NCKAP5: variants seen among roughly 807,000 people sequenced by gnomAD.
NCKAP5 encodes NCK associated protein 5.
In NCKAP5, 92 loss-of-function variants were observed where a neutral mutation model predicts 167.0. The ratio of observed to expected loss-of-function variants is 0.55; its 90% CI spans 0.47 to 0.66. The LOEUF (loss-of-function observed/expected upper bound fraction) is 0.66. Among genes scored for constraint, NCKAP5 ranks in the 30% least tolerant of loss-of-function variants. The pLI is 0.00. For synonymous variants in NCKAP5, 891 were observed against 877.4 expected (o/e 1.02, Z -0.27); for missense variants, 2,378 against 2,315.0 (o/e 1.03, Z -0.56).
intron 9 of NCKAP5, among the ~76,000 whole-genome samples, 192 bp downstream of exon 9, chr2:132,878,640 ACACACACACACACACG>A (rs1249620630): frequency 0.022 from 1,111 of 50,590 alleles, 8 homozygotes; most frequent in East Asian, 0.11. Context: ...ACACACACAC[ACACACACACACACACG>A]CACGCATACA....
intron 7 of NCKAP5, among the ~76,000 whole-genome samples, chr2:132,986,940 A>T (rs932227458): frequency 6.6e-6 from 1 of 152,188 alleles, no homozygotes; most frequent in Non-Finnish European, 1.5e-5. Context: ...CTTATCAATG[A>T]GGAACATCAG....
chr2:133,509,601 G>T (rs73003136), intron 3 of NCKAP5, among the ~76,000 whole-genome samples: 1 of 152,272 alleles, frequency 6.6e-6, no homozygotes, highest in East Asian at 1.9e-4. Flanking sequence ...GGAATACAAT[G>T]TGAATATGAC....
At chr2:132,888,866 T>C (rs917469472) in intron 8 of NCKAP5, among the ~76,000 whole-genome samples, 4 of 152,212 alleles carry the variant, frequency 2.6e-5, no homozygotes, top group Non-Finnish European at 4.4e-5. Context: ...TAGTAGTAGA[T>C]TAAAGATGGT....
At position 133,283,162 on chromosome 2, in the gene NCKAP5, C is replaced by G. The variant is rs1053048046; in HGVS notation, c.143+19875G>C. 2.0e-5 allele frequency among the ~76,000 whole-genome samples: 3 copies of G among 152,116 alleles called. No individual in the cohort carries two copies. In the East Asian group the frequency reaches 5.8e-4, roughly 29 times the overall value. On this transcript the variant is annotated intron_variant, in intron 4 of 19. Transcript: ENST00000409261. The stretch of plus-strand genomic sequence containing the variant: ...TGGGAATGCATTTTGGTGGAGATGG[C>G]ATTTTAAATGAGATTTTAAAGAAGA...
At chr2:132,714,513 C>G (rs903754831) in intron 19 of NCKAP5, among the ~76,000 whole-genome samples, 1 of 152,116 alleles carries the variant, frequency 6.6e-6, no homozygotes, top group Non-Finnish European at 1.5e-5. Flanking sequence ...CATGATTTAT[C>G]TAGGATCAAA....
chr2:132,801,631 T>C (rs1279997243), intron 11 of NCKAP5, among the ~76,000 whole-genome samples: 2 of 152,196 alleles, frequency 1.3e-5, no homozygotes, highest in Non-Finnish European at 2.9e-5. Flanking sequence ...GCATGCCTCA[T>C]ACAGGTGTAA....
At chr2:133,039,752 G>A (rs1165616395) in intron 6 of NCKAP5, among the ~76,000 whole-genome samples, 1 of 152,172 alleles carries the variant, frequency 6.6e-6, no homozygotes, top group Non-Finnish European at 1.5e-5. Context: ...CAGAACTTCT[G>A]ATTCTGACTC....
chr2:133,256,141 T>A (rs987629808), intron 4 of NCKAP5, among the ~76,000 whole-genome samples: 2 of 152,180 alleles, frequency 1.3e-5, no homozygotes, highest in African/African-American at 2.4e-5. Flanking sequence ...TTTTGAGTTT[T>A]TCACTTAGTT....
chr2:133,131,410 T>C (rs147507099), intron 5 of NCKAP5, among the ~76,000 whole-genome samples: 1 of 152,340 alleles, frequency 6.6e-6, no homozygotes, highest in East Asian at 1.9e-4. Flanking sequence ...TACCACCCTT[T>C]AGGTCTTTAC....
chr2:133,214,090 G>A (rs182462518), intron 4 of NCKAP5, among the ~76,000 whole-genome samples: 216 of 152,168 alleles, frequency 1.4e-3, no homozygotes, highest in African/African-American at 4.9e-3. Flanking sequence ...TATTTTAGTT[G>A]ACTTTTCTCT....
intron 8 of NCKAP5, among the ~76,000 whole-genome samples, chr2:132,929,489 T>C (rs536076998): frequency 3.3e-5 from 5 of 152,342 alleles, no homozygotes; most frequent in Admixed American, 2.6e-4. Context: ...AAATTGTTCA[T>C]ATTTCAGAAT....
At chr2:132,756,611 A>C (rs1680575584) in intron 16 of NCKAP5, among the ~76,000 whole-genome samples, 1 of 152,232 alleles carries the variant, frequency 6.6e-6, no homozygotes, top group African/African-American at 2.4e-5. Context: ...CTTTTAAAAA[A>C]AAATTTAGGT....
At chr2:133,218,965 T>G (rs552843655) in intron 4 of NCKAP5, among the ~76,000 whole-genome samples, 1 of 152,288 alleles carries the variant, frequency 6.6e-6, no homozygotes, top group South Asian at 2.1e-4. Flanking sequence ...ATCATGAAAT[T>G]TTGTAGACTG....
chr2:132,701,920 A>C (rs1687922657), intron 19 of NCKAP5, among the ~76,000 whole-genome samples: 1 of 152,184 alleles, frequency 6.6e-6, no homozygotes, highest in Non-Finnish European at 1.5e-5. Context: ...CTAGATTTTC[A>C]TTATGAAAGT....
chr2:133,303,055 T>C lies in NCKAP5; in HGVS notation c.125A>G (p.Gln42Arg). The C allele has an allele frequency of 6.2e-7, 1 of 1,601,130 alleles. No individual in the cohort carries two copies. Among genetic ancestry groups the C allele is most frequent in the Non-Finnish European group, 8.5e-7 (1 of 1,173,344 alleles). The change falls in exon 4 of 20, where the codon CAA becomes CGA. Residue 42 changes from glutamine to arginine, a missense_variant. Transcript: ENST00000409261. ...AACTCACCTCCAGAGACTCCTGTGTTGCTCCTCAAGCTGAGTCAGCAGATG... is the reference window on the plus strand; with the variant it reads ...AACTCACCTCCAGAGACTCCTGTGTCGCTCCTCAAGCTGAGTCAGCAGATG... ...IEHLLTQLEEQHRSLWREKLA... is the reference protein window; with the variant it reads ...IEHLLTQLEERHRSLWREKLA...
chr2:132,836,917 G>A (rs75414326), intron 11 of NCKAP5, among the ~76,000 whole-genome samples: 20 of 152,206 alleles, frequency 1.3e-4, no homozygotes, highest in East Asian at 3.9e-4. Flanking sequence ...TTCCCACTCC[G>A]TTTCTTAAAG....
intron 19 of NCKAP5, among the ~76,000 whole-genome samples, chr2:132,678,057 A>T (rs1181281395): frequency 1.3e-5 from 2 of 152,214 alleles, no homozygotes; most frequent in Non-Finnish European, 2.9e-5. Flanking sequence ...TGACTAGAAC[A>T]ATATCCTGAA....
intron 3 of NCKAP5, among the ~76,000 whole-genome samples, chr2:133,321,092 A>G (rs9808364): frequency 0.31 from 46,539 of 152,034 alleles, 7,611 homozygotes; most frequent in African/African-American, 0.42. Context: ...GAGCCTGATC[A>G]CTGACCCATG....
chr2:133,309,353 A>C (rs1681066610), intron 3 of NCKAP5, among the ~76,000 whole-genome samples: 2 of 152,324 alleles, frequency 1.3e-5, no homozygotes, highest in African/African-American at 4.8e-5. Context: ...TACCACAAGG[A>C]AACCATTTCC....
Sources: allele counts gnomAD v4.1 joint callset (sites outside exome capture counted in the v4.1 genomes callset), GRCh38; gene constraint gnomAD v4.1.1; transcripts MANE v1.5; gene names NCBI Gene and HGNC (gene_info 2026-07-23, HGNC 2026-07-21).